Variants in SLC30A8 observed in about 807,000 individuals in gnomAD.
SLC30A8 encodes solute carrier family 30 member 8.
SLC30A8 carries 27 observed loss-of-function variants against 36.9 expected under a neutral mutation model. The observed-to-expected ratio is 0.73, with a 90% CI of 0.54 to 1.01. The LOEUF (loss-of-function observed/expected upper bound fraction) is 1.01, where lower values mean the gene tolerates loss of function less well. Ranked by LOEUF, SLC30A8 falls within the 50% of genes least tolerant of loss-of-function variation. The probability of loss-of-function intolerance (pLI) is 0.00; values close to 1 mark genes in which losing one functional copy is unlikely to be tolerated. For missense variants in SLC30A8, 439 were observed against 452.0 expected (o/e 0.97, Z 0.26); for synonymous variants, 164 against 172.4 (o/e 0.95, Z 0.38).
intron 2 of SLC30A8, among the ~76,000 whole-genome samples, chr8:117,150,043 A>G (rs1822101697): frequency 6.6e-6 from 1 of 152,202 alleles, no homozygotes; most frequent in Admixed American, 6.5e-5. Context: ...TGCAAACTCC[A>G]CACAGACAGC....
At chr8:117,069,345 T>C (rs1250009718) in intron 2 of SLC30A8, among the ~76,000 whole-genome samples, 2 of 152,152 alleles carry the variant, frequency 1.3e-5, no homozygotes, top group Non-Finnish European at 1.5e-5. Context: ...AACCAAAGAG[T>C]TATTTCAGTA....
rs73317623 is a variant in SLC30A8, at chr8:117,140,989, A to G, written c.71+5591A>G. Among the ~76,000 whole-genome samples the G allele has an allele frequency of 2.3e-3, 353 of 152,234 alleles. 1 individual carries two copies. Among genetic ancestry groups the G allele is most frequent in the African/African-American group, 8.0e-3 (332 of 41,570 alleles). On this transcript the variant is annotated intron_variant, in intron 1 of 7. Coordinates refer to ENST00000456015, the MANE Select transcript of SLC30A8 (RefSeq NM_173851.3). ...GACTACCATATGAACTTAAGAAGAAATAGAAAATCTGATAAGTAAAGATAT... is the reference window on the plus strand; with the variant it reads ...GACTACCATATGAACTTAAGAAGAAGTAGAAAATCTGATAAGTAAAGATAT...
Position 117,167,502 on chromosome 8 carries a change from CATGTAT to C in SLC30A8, c.830-3521_830-3516del, listed in dbSNP as rs1024378531. 1.3e-4 allele frequency among the ~76,000 whole-genome samples: 18 copies of C among 143,740 alleles called. 1 individual carries two copies. Among genetic ancestry groups the C allele is most frequent in the African/African-American group, 3.8e-4 (15 of 39,138 alleles). The allele number at this position is 143,740 out of a possible 152,430, so 94.3% of individuals were successfully genotyped here. ...TTGCATATATATATATACATACATA[CATGTAT>C]ATGTATATGTGTATGTGATGTAAGT... On this transcript the variant is annotated intron_variant, in intron 6 of 7. Transcript: ENST00000456015.
chr8:117,051,719 A>G (rs1817714541), intron 2 of SLC30A8, among the ~76,000 whole-genome samples: 1 of 152,084 alleles, frequency 6.6e-6, no homozygotes, highest in Non-Finnish European at 1.5e-5. Flanking sequence ...AGACTGAGGC[A>G]GGAGAATGGT....
intron 1 of SLC30A8, among the ~76,000 whole-genome samples, chr8:116,953,621 T>A (rs1814078979): frequency 6.6e-6 from 1 of 152,314 alleles, no homozygotes; most frequent in East Asian, 1.9e-4. Flanking sequence ...ACTTGCAGCT[T>A]TCTAGGGTTC....
intron 1 of SLC30A8, among the ~76,000 whole-genome samples, chr8:116,969,898 G>A (rs1220612837): frequency 6.6e-6 from 1 of 152,106 alleles, no homozygotes; most frequent in Admixed American, 6.5e-5. Context: ...GGTCATTACT[G>A]TATACTCCCA....
chr8:116,955,544 A>G (rs1335507613), intron 1 of SLC30A8, among the ~76,000 whole-genome samples: 3 of 152,038 alleles, frequency 2.0e-5, no homozygotes, highest in Non-Finnish European at 4.4e-5. Context: ...AGTCTGACCA[A>G]TGGGGTGAAA....
At position 117,152,817 on chromosome 8, in the gene SLC30A8, C is replaced by T. The variant is rs1295574832; in HGVS notation, c.272-127C>T. The T allele has an allele frequency of 5.2e-5, 38 of 724,906 alleles. No individual in the cohort carries two copies. In the East Asian group the frequency reaches 1.0e-3, roughly 19 times the overall value. 44.9% of individuals were successfully genotyped at this position (724,906 alleles called of 1,614,324 possible). A position where few individuals can be genotyped will look rare whatever the true frequency, so the allele number is the denominator to read the frequency against. On this transcript the variant is annotated intron_variant, in intron 2 of 7. Coordinates refer to ENST00000456015, the MANE Select transcript of SLC30A8 (RefSeq NM_173851.3). ...TCGCAGAAGGGGTGAATTAAATCAA[C>T]TTTAAGATCTCTTTTTCCTCTAAAG...
chr8:117,129,728 G>A (rs554834251), intron 2 of SLC30A8, among the ~76,000 whole-genome samples: 46 of 152,016 alleles, frequency 3.0e-4, no homozygotes, highest in African/African-American at 1.7e-4. Flanking sequence ...GAATGATAAC[G>A]TATTATATTT....
intron 1 of SLC30A8, among the ~76,000 whole-genome samples, chr8:116,989,540 A>C (rs1051827106): frequency 6.6e-6 from 1 of 152,134 alleles, no homozygotes; most frequent in Non-Finnish European, 1.5e-5. Context: ...TTTATTCAAA[A>C]TAATTATTAT....
At position 117,175,993 on chromosome 8, in the gene SLC30A8, G is replaced by GAAC. The variant is rs1157621148; in HGVS notation, c.*3316_*3318dup. The stretch of plus-strand genomic sequence containing the variant: ...CTCCAAGGACATTTATTAATAAAAA[G>GAAC]AACAACTGTCCAGTGCAATGAAGGC... On this transcript the variant is annotated 3_prime_UTR_variant, in exon 8 of 8. Transcript: ENST00000456015. The GAAC allele has an allele frequency of 6.6e-6, 1 of 152,018 alleles. No homozygotes were observed. The highest frequency in any genetic ancestry group is 1.5e-5 in the Non-Finnish European group (1 of 67,982). 9.4% of individuals were successfully genotyped at this position (152,018 alleles called of 1,614,324 possible).
intron 1 of SLC30A8, among the ~76,000 whole-genome samples, chr8:117,013,103 A>G (rs74729455): frequency 0.01 from 1,538 of 152,244 alleles, 22 homozygotes; most frequent in African/African-American, 0.034. Context: ...TATAGCTTTG[A>G]GAATTCAATT....
intron 1 of SLC30A8, among the ~76,000 whole-genome samples, chr8:117,034,493 A>C (rs1817150456): frequency 6.6e-6 from 1 of 152,196 alleles, no homozygotes; most frequent in Non-Finnish European, 1.5e-5. Flanking sequence ...ACAACCCTGT[A>C]AGACAGGTAC....
intron 1 of SLC30A8, among the ~76,000 whole-genome samples, chr8:116,956,508 A>C (rs1272297171): frequency 6.6e-6 from 1 of 152,194 alleles, no homozygotes; most frequent in African/African-American, 2.4e-5. Flanking sequence ...CTTTCTAGTG[A>C]TTCTTATCTT....
chr8:116,995,592 CTA>C (rs1815787239), intron 1 of SLC30A8, among the ~76,000 whole-genome samples: 1 of 152,018 alleles, frequency 6.6e-6, no homozygotes, highest in Non-Finnish European at 1.5e-5. Flanking sequence ...AGCTAAGACA[CTA>C]TGTGAACAGA....
At chr8:117,029,574 T>C (rs906440091) in intron 1 of SLC30A8, among the ~76,000 whole-genome samples, 1 of 152,230 alleles carries the variant, frequency 6.6e-6, no homozygotes, top group African/African-American at 2.4e-5. Context: ...AACCCTCGCA[T>C]TGCTGAGGTG....
At chr8:117,105,610 G>A (rs1296046363) in intron 2 of SLC30A8, among the ~76,000 whole-genome samples, 1 of 152,134 alleles carries the variant, frequency 6.6e-6, no homozygotes, top group Non-Finnish European at 1.5e-5. Context: ...AGCTTAGTCA[G>A]GATTTCTATG....
At chr8:117,064,847 T>G (rs1020629305) in intron 2 of SLC30A8, among the ~76,000 whole-genome samples, 4 of 152,222 alleles carry the variant, frequency 2.6e-5, no homozygotes, top group African/African-American at 9.6e-5. Flanking sequence ...GCGGGAAATT[T>G]ATCTGAACAG....
At chr8:117,032,160 T>G (rs2130741602) in intron 1 of SLC30A8, among the ~76,000 whole-genome samples, 1 of 152,168 alleles carries the variant, frequency 6.6e-6, no homozygotes, top group South Asian at 2.1e-4. Context: ...TGCCATGCTT[T>G]TTTTTTTTCA....
Sources: gnomAD v4.1 joint callset for allele counts (sites outside exome capture counted in the v4.1 genomes callset) on GRCh38, gnomAD v4.1.1 for gene constraint, MANE v1.5 for transcripts, NCBI Gene and HGNC (gene_info 2026-07-23, HGNC 2026-07-21) for gene names.